KIF1B: variants seen among roughly 807,000 people sequenced by gnomAD.
The protein encoded by KIF1B is kinesin family member 1B, also known as kinesin-like protein KIF1B.
In KIF1B, 76 loss-of-function variants were observed where a neutral mutation model predicts 241.9. That is an observed-to-expected ratio of 0.31 (90% CI 0.26 to 0.38). The LOEUF (loss-of-function observed/expected upper bound fraction) is 0.38, where lower values mean the gene tolerates loss of function less well. KIF1B is among the 10% of genes least tolerant of loss of function. The pLI is 1.00. For missense variants in KIF1B, 1,622 were observed against 2,271.4 expected, an observed-to-expected ratio of 0.71 and a Z score of 5.81; for synonymous variants, 750 against 796.7, an observed-to-expected ratio of 0.94 and a Z score of 0.99.
intron 2 of KIF1B, among the ~76,000 whole-genome samples, chr1:10,243,559 T>C (rs1175611612): frequency 6.6e-6 from 1 of 152,202 alleles, no homozygotes; most frequent in African/African-American, 2.4e-5. Flanking sequence ...AGGTACTCTT[T>C]CCCCATTTCA....
chr1:10,336,681 G>A lies in KIF1B; in HGVS notation c.3068G>A (p.Gly1023Asp). The change falls in exon 29 of 49, where the codon GGC becomes GAC. Residue 1023 changes from glycine to aspartate, a missense_variant. By Grantham distance (94) the Gly-to-Asp change is moderately conservative (BLOSUM62 -1). Transcript: ENST00000676179. ...GCGGATGAAGAAGCTCCTGATTATG[G>A]CTCTGGAATTCGACAGTCAGGAACA... is the stretch of plus-strand genomic sequence containing the variant. ...IAADEEAPDYGSGIRQSGTAK... is the reference protein window; with the variant it reads ...IAADEEAPDYDSGIRQSGTAK... 1 of 1,613,924 alleles carries A rather than the reference G, an allele frequency of 6.2e-7. No individual in the cohort carries two copies. Among genetic ancestry groups the A allele is most frequent in the South Asian group, 1.1e-5 (1 of 91,070 alleles).
intron 25 of KIF1B, 50 bp downstream of exon 25, chr1:10,324,112 G>A (rs749251851): frequency 6.9e-7 from 1 of 1,454,172 alleles, no homozygotes; most frequent in Non-Finnish European, 9.6e-7. Context: ...AAATAACAAT[G>A]ACCTGCTCAA....
chr1:10,252,880 C>T (rs559888735), intron 2 of KIF1B, among the ~76,000 whole-genome samples: 7 of 152,094 alleles, frequency 4.6e-5, no homozygotes, highest in African/African-American at 7.2e-5. Context: ...TGCCCCACCA[C>T]GCTGCACTGA....
intron 1 of KIF1B, among the ~76,000 whole-genome samples, chr1:10,212,914 A>ATG (rs1244477203): frequency 8.1e-6 from 1 of 123,940 alleles, no homozygotes; most frequent in Admixed American, 7.8e-5. Flanking sequence ...ATATATATAT[A>ATG]TATATATATA....
intron 13 of KIF1B, chr1:10,278,674 C>T (rs1012969390): frequency 4.4e-5 from 8 of 181,934 alleles, no homozygotes; most frequent in African/African-American, 7.1e-5. Context: ...CTATGAAGTT[C>T]AAGAACTACA....
Position 10,278,121 on chromosome 1 carries a change from T to C in KIF1B, c.1173T>C (p.Ile391=), listed in dbSNP as rs1649213355. 6.2e-7 allele frequency: 1 copy of C among 1,613,938 alleles called. No individual in the cohort carries two copies. Among genetic ancestry groups the C allele is most frequent in the Non-Finnish European group, 8.5e-7 (1 of 1,179,848 alleles). Residue 391 remains isoleucine, a synonymous_variant, in exon 13 of 49, where the codon ATT becomes ATC. Coordinates refer to ENST00000676179, the MANE Select transcript of KIF1B (RefSeq NM_001365951.3). The part of the protein sequence containing the change: ...DLLRAQGLGD[I]IDIDPLIDDY... ...TTCGTGCTCAGGGCCTGGGAGATAT[T>C]ATTGATAGTAAGTGAATTAAGGATC...
chr1:10,256,465 A>T, intron 3 of KIF1B, 142 bp downstream of exon 3: 1 of 697,192 alleles, frequency 1.4e-6, no homozygotes, highest in South Asian at 1.6e-5. Context: ...TGATACAGTG[A>T]TATAGTATTT....
intron 1 of KIF1B, among the ~76,000 whole-genome samples, chr1:10,214,457 T>G (rs1299830882): frequency 1.3e-5 from 2 of 150,956 alleles, no homozygotes; most frequent in Non-Finnish European, 2.9e-5. Flanking sequence ...GCCCAGCTAA[T>G]TTTTGTATTT....
At chr1:10,292,194 A>G (rs749110914) in intron 17 of KIF1B, 72 bp downstream of exon 17, 52 of 1,163,892 alleles carry the variant, frequency 4.5e-5, no homozygotes, top group Non-Finnish European at 6.5e-5. Context: ...GGGGCACTTC[A>G]TGTCTTTCAG....
intron 17 of KIF1B, among the ~76,000 whole-genome samples, chr1:10,294,278 A>G (rs925970522): frequency 6.6e-5 from 10 of 152,216 alleles, no homozygotes; most frequent in Non-Finnish European, 1.0e-4. Context: ...GAAGATGTTT[A>G]TCTTATCGAA....
At chr1:10,211,698 C>G (rs1646695497) in intron 1 of KIF1B, 1 of 150,902 alleles carries the variant, frequency 6.6e-6, no homozygotes, top group Admixed American at 6.6e-5. Flanking sequence ...CTTCCAGATC[C>G]CTTTTTTTTT....
intron 15 of KIF1B, among the ~76,000 whole-genome samples, chr1:10,286,125 C>T (rs1038779422): frequency 1.3e-5 from 2 of 151,992 alleles, no homozygotes; most frequent in Non-Finnish European, 2.9e-5. Context: ...CTGCAACCTC[C>T]GCCTCCCAGG....
At chr1:10,288,627 C>T (rs12734499) in intron 15 of KIF1B, among the ~76,000 whole-genome samples, 3,026 of 152,286 alleles carry the variant, frequency 0.02, 44 homozygotes, top group Non-Finnish European at 0.031. Context: ...TACATGGCTG[C>T]CTTACTGATG....
intron 4 of KIF1B, among the ~76,000 whole-genome samples, chr1:10,260,115 C>A (rs1485859349): frequency 6.6e-6 from 1 of 152,102 alleles, no homozygotes; most frequent in Admixed American, 6.5e-5. Flanking sequence ...TACACAAACC[C>A]TGGAAGGTGT....
intron 2 of KIF1B, among the ~76,000 whole-genome samples, chr1:10,247,474 C>T (rs1647241012): frequency 6.6e-6 from 1 of 152,182 alleles, no homozygotes; most frequent in Non-Finnish European, 1.5e-5. Flanking sequence ...CTCATGCTGT[C>T]ATTAGAATGT....
At chr1:10,230,445 T>TC (rs1646965967) in intron 1 of KIF1B, among the ~76,000 whole-genome samples, 1 of 151,668 alleles carries the variant, frequency 6.6e-6, no homozygotes. Flanking sequence ...TTTCTTTCTT[T>TC]TTTTTTTTGA....
chr1:10,267,597 A>G (rs1557676718), intron 6 of KIF1B, 39 bp downstream of exon 6: 1 of 1,601,292 alleles, frequency 6.2e-7, no homozygotes, highest in Admixed American at 1.7e-5. Flanking sequence ...GGTCTTTGGC[A>G]CCTTTTGAGG....
chr1:10,325,994 G>A (rs1488984070), intron 26 of KIF1B, 117 bp from the exon 27 acceptor site: 6 of 1,342,652 alleles, frequency 4.5e-6, no homozygotes, highest in Non-Finnish European at 6.4e-6. Context: ...TTTTCCATTT[G>A]CTTTTATTGT....
At chr1:10,223,960 G>A (rs1163452051) in intron 1 of KIF1B, among the ~76,000 whole-genome samples, 1 of 152,176 alleles carries the variant, frequency 6.6e-6, no homozygotes, top group African/African-American at 2.4e-5. Flanking sequence ...ACACAACAAT[G>A]CCCGGCTAAT....
Sources: allele counts gnomAD v4.1 joint callset (sites outside exome capture counted in the v4.1 genomes callset), GRCh38; gene constraint gnomAD v4.1.1; transcripts MANE v1.5; gene names NCBI Gene and HGNC (gene_info 2026-07-23, HGNC 2026-07-21).